The following PLCE1 variants were observed in gnomAD, a reference collection of about 807,000 sequenced individuals.
PLCE1 encodes the protein phospholipase C epsilon 1.
In PLCE1, 119 loss-of-function variants were observed where a neutral mutation model predicts 242.8. That is an observed-to-expected ratio of 0.49 (90% CI 0.42 to 0.57). The LOEUF (loss-of-function observed/expected upper bound fraction) is 0.57, where lower values mean the gene tolerates loss of function less well. Ranked by LOEUF, PLCE1 falls within the 20% of genes least tolerant of loss-of-function variation. PLCE1 has a pLI of 0.00. For missense variants in PLCE1, 2,441 were observed against 2,788.8 expected, an observed-to-expected ratio of 0.88 and a Z score of 2.81; for synonymous variants, 945 against 1,017.4, an observed-to-expected ratio of 0.93 and a Z score of 1.35.
chr10:94,308,805 G>C (rs1589516158), intron 27 of PLCE1, 106 bp downstream of exon 27: 2 of 794,300 alleles, frequency 2.5e-6, no homozygotes, highest in East Asian at 4.8e-5. Context: ...TAATTAGGTA[G>C]CTATGGAAAT....
Position 94,316,641 on chromosome 10 carries a change from G to A in PLCE1, c.6227G>A (p.Arg2076Lys), listed in dbSNP as rs2053585135. 1 of 1,610,288 alleles carries A rather than the reference G, an allele frequency of 6.2e-7. No individual in the cohort carries two copies. Among genetic ancestry groups the A allele is most frequent in the Non-Finnish European group, 8.5e-7 (1 of 1,176,570 alleles). Residue 2076 changes from arginine (R) to lysine (K), a missense_variant, in exon 29 of 33, where the codon AGG (arginine) becomes AAG (lysine). By Grantham distance (26) the Arg-to-Lys change is conservative (BLOSUM62 2). Around this residue, in one of 5 missense-constraint regions of PLCE1, gnomAD observed 310 missense variants for 317.2 expected, o/e 0.98. Coordinates refer to ENST00000371380, the MANE Select transcript of PLCE1 (RefSeq NM_016341.4). ...ATATCTAAAGAAAAGAATGAATGTAGGAAACAACCATTCCAGAGAGCCATT... is the reference window on the plus strand; with the variant it reads ...ATATCTAAAGAAAAGAATGAATGTAAGAAACAACCATTCCAGAGAGCCATT... ...YFISKEKNEC[R>K]KQPFQRAIGP...
At chr10:94,189,012 A>T (rs543903606) in intron 4 of PLCE1, among the ~76,000 whole-genome samples, 3,752 of 150,646 alleles carry the variant, frequency 0.025, 153 homozygotes, top group African/African-American at 0.086. Context: ...AAAAAAAAAA[A>T]AAAAAAAAAA....
chr10:94,279,849 A>G lies in PLCE1; in HGVS notation c.4733A>G (p.Asn1578Ser), dbSNP rs61732525. The change falls in exon 20 of 33, where the codon AAT becomes AGT. Residue 1578 changes from asparagine to serine, a missense_variant. Physicochemically the swap from Asn to Ser is conservative, Grantham distance 46 (BLOSUM62 1). Around this residue, in one of 5 missense-constraint regions of PLCE1, gnomAD observed 1,004 missense variants for 1,322.7 expected, o/e 0.76. Coordinates refer to ENST00000371380, the MANE Select transcript of PLCE1 (RefSeq NM_016341.4). Reference sequence around the variant, plus strand: ...GGGAATGCCAACCCCCGACCTGCCAATAATGAGGAAGAGGAAGATGAGGAG... The same window carrying G: ...GGGAATGCCAACCCCCGACCTGCCAGTAATGAGGAAGAGGAAGATGAGGAG... ...NGGNANPRPA[N>S]NEEEEDEEDE... The G allele has an allele frequency of 1.4e-3, 2,247 of 1,613,718 alleles. 25 individuals carry two copies. In the African/African-American group the frequency reaches 0.024, roughly 17 times the overall value.
intron 2 of PLCE1, among the ~76,000 whole-genome samples, chr10:94,066,015 A>G (rs1434836381): frequency 2.0e-5 from 3 of 152,176 alleles, no homozygotes; most frequent in African/African-American, 7.2e-5. Context: ...AAGAGGCAGT[A>G]TTTTGGCTAG....
chr10:94,209,595 G>A (rs570783105), intron 4 of PLCE1, among the ~76,000 whole-genome samples: 1 of 152,256 alleles, frequency 6.6e-6, no homozygotes, highest in African/African-American at 2.4e-5. Flanking sequence ...CCAAGCATGA[G>A]GCTGGTTATA....
chr10:94,030,619 T>G (rs1210824585), intron 1 of PLCE1, among the ~76,000 whole-genome samples, 64 bp from the exon 2 acceptor site: 1 of 152,138 alleles, frequency 6.6e-6, no homozygotes. Flanking sequence ...CTTAGGATTG[T>G]GAGATCATTT....
chr10:94,304,430 T>C, intron 24 of PLCE1, 52 bp from the exon 25 acceptor site: 1 of 1,523,918 alleles, frequency 6.6e-7, no homozygotes, highest in South Asian at 1.1e-5. Flanking sequence ...AGGTGATACT[T>C]AAGCGACAAA....
intron 3 of PLCE1, among the ~76,000 whole-genome samples, chr10:94,149,222 T>G (rs1406946787): frequency 6.6e-6 from 1 of 152,208 alleles, no homozygotes; most frequent in Non-Finnish European, 1.5e-5. Context: ...TTGAGTGCTC[T>G]TGGCACAGTC....
chr10:94,312,144 A>G (rs535296870), intron 27 of PLCE1, among the ~76,000 whole-genome samples: 1 of 152,366 alleles, frequency 6.6e-6, no homozygotes, highest in South Asian at 2.1e-4. Flanking sequence ...AAATGATACA[A>G]TTAGAATGTG....
intron 1 of PLCE1, among the ~76,000 whole-genome samples, chr10:94,030,478 A>G (rs2061535452): frequency 6.6e-6 from 1 of 151,944 alleles, no homozygotes; most frequent in African/African-American, 2.4e-5. Context: ...GGATGAATAA[A>G]TCTTGCCCTT....
At chr10:94,013,662 G>T (rs998253697) in intron 1 of PLCE1, among the ~76,000 whole-genome samples, 1 of 152,152 alleles carries the variant, frequency 6.6e-6, no homozygotes. Flanking sequence ...TCTAGTCTGG[G>T]GAGGCAAACA....
chr10:94,309,766 G>A (rs752656779), intron 27 of PLCE1, among the ~76,000 whole-genome samples: 8 of 152,288 alleles, frequency 5.3e-5, no homozygotes, highest in Non-Finnish European at 1.2e-4. Flanking sequence ...TGAGTGCAGC[G>A]GCTCATGCCT....
chr10:94,076,312 CAG>C (rs1213368998), intron 2 of PLCE1, among the ~76,000 whole-genome samples: 8 of 152,096 alleles, frequency 5.3e-5, no homozygotes, highest in African/African-American at 1.9e-4. Context: ...AGAGTAAAGA[CAG>C]ATGTTATAAA....
intron 4 of PLCE1, among the ~76,000 whole-genome samples, chr10:94,189,608 G>A (rs73314285): frequency 0.025 from 3,766 of 152,288 alleles, 163 homozygotes; most frequent in African/African-American, 0.082. Flanking sequence ...TCAGGAGAGA[G>A]TTGCAGTAAA....
intron 23 of PLCE1, 129 bp downstream of exon 23, chr10:94,293,768 G>A (rs1358660284): frequency 8.9e-7 from 1 of 1,120,852 alleles, no homozygotes; most frequent in East Asian, 2.8e-5. Flanking sequence ...TCTGAGTATA[G>A]TATAAATTTT....
At chr10:94,297,590 T>TAAAAAAAAAAAAAAAAAAAA (rs71031568) in intron 23 of PLCE1, among the ~76,000 whole-genome samples, 13 of 56,578 alleles carry the variant, frequency 2.3e-4, no homozygotes, top group East Asian at 1.1e-3. Context: ...TTTAAATTTG[T>TAAAAAAAAAAAAAAAAAAAA]AAAAAAAAAA....
intron 32 of PLCE1, 77 bp downstream of exon 32, chr10:94,325,181 T>C: frequency 8.6e-6 from 9 of 1,052,236 alleles, no homozygotes; most frequent in Non-Finnish European, 1.5e-6. Flanking sequence ...ATTAGTACAA[T>C]GTCTTTTATC....
intron 1 of PLCE1, among the ~76,000 whole-genome samples, chr10:93,998,054 A>T (rs2060862846): frequency 6.6e-6 from 1 of 152,164 alleles, no homozygotes; most frequent in South Asian, 2.1e-4. Flanking sequence ...GTGTTTTTGG[A>T]GGGTCTGCAT....
chr10:94,314,072 C>T (rs141070113), intron 28 of PLCE1, among the ~76,000 whole-genome samples: 521 of 152,300 alleles, frequency 3.4e-3, no homozygotes, highest in African/African-American at 0.012. Context: ...GATCCCCCTC[C>T]GAAGGATCTT....
Sources: gnomAD v4.1 joint callset for allele counts (sites outside exome capture counted in the v4.1 genomes callset) on GRCh38, gnomAD v4.1.1 for gene constraint, gnomAD v4.1.1 regional missense constraint, MANE v1.5 for transcripts, NCBI Gene and HGNC (gene_info 2026-07-23, HGNC 2026-07-21) for gene names.